NFIB: variants seen among roughly 807,000 people sequenced by gnomAD.
The protein encoded by NFIB is nuclear factor I B.
Under a neutral mutation model 61.5 loss-of-function variants are expected in NFIB, and 11 were observed. The observed-to-expected ratio is 0.18, with a 90% CI of 0.11 to 0.30. The LOEUF (loss-of-function observed/expected upper bound fraction) is 0.30, where lower values mean the gene tolerates loss of function less well. Among genes scored for constraint, NFIB ranks in the 10% least tolerant of loss-of-function variants. The probability of loss-of-function intolerance (pLI) is 1.00; values close to 1 mark genes in which losing one functional copy is unlikely to be tolerated. For missense variants in NFIB, 471 were observed against 608.9 expected (o/e 0.77, Z 2.38); for synonymous variants, 260 against 216.5 (o/e 1.20, Z -1.76).
intron 2 of NFIB, among the ~76,000 whole-genome samples, chr9:14,258,006 G>A (rs145602851): frequency 1.3e-3 from 194 of 152,216 alleles, no homozygotes; most frequent in African/African-American, 4.6e-3. Flanking sequence ...GAGCAGTGTG[G>A]ACTTCCCCCA....
At chr9:14,213,407 G>T (rs1180437542) in intron 2 of NFIB, among the ~76,000 whole-genome samples, 2 of 152,158 alleles carry the variant, frequency 1.3e-5, no homozygotes, top group Admixed American at 1.3e-4. Flanking sequence ...CCACAGCAGT[G>T]GTTCTTAAGC....
At chr9:14,355,117 C>T (rs371183396) in intron 1 of NFIB, among the ~76,000 whole-genome samples, 1 of 152,120 alleles carries the variant, frequency 6.6e-6, no homozygotes, top group South Asian at 2.1e-4. Flanking sequence ...AAGGGAAAAG[C>T]TGTGTTACAG....
At chr9:14,171,189 T>G (rs1014954061) in intron 3 of NFIB, among the ~76,000 whole-genome samples, 17 of 152,198 alleles carry the variant, frequency 1.1e-4, no homozygotes, top group Admixed American at 5.9e-4. Context: ...GACTCACTAC[T>G]TATGAACCTA....
chr9:14,261,568 G>A (rs1025001017), intron 2 of NFIB, among the ~76,000 whole-genome samples: 1 of 152,186 alleles, frequency 6.6e-6, no homozygotes, highest in African/African-American at 2.4e-5. Context: ...ATTTATTAGT[G>A]TGCAAGGGGG....
chr9:14,328,275 C>G (rs942126473), intron 1 of NFIB, among the ~76,000 whole-genome samples: 1 of 152,108 alleles, frequency 6.6e-6, no homozygotes, highest in African/African-American at 2.4e-5. Context: ...TCCTGAGTAG[C>G]TGCCACCACA....
At chr9:14,097,096 G>C (rs771519019) in intron 10 of NFIB, among the ~76,000 whole-genome samples, 1 of 152,058 alleles carries the variant, frequency 6.6e-6, no homozygotes. Context: ...TTTTAAGAAT[G>C]GTAATGTTTT....
At chr9:14,094,419 T>G (rs570467954) in intron 10 of NFIB, 1 of 152,230 alleles carries the variant, frequency 6.6e-6, no homozygotes, top group Non-Finnish European at 1.5e-5. Context: ...TGTGGCTGTA[T>G]GTCAATAATT....
the NFIB span, among the ~76,000 whole-genome samples, chr9:14,513,938 T>G: frequency 3.9e-5 from 6 of 152,370 alleles, no homozygotes; most frequent in East Asian, 1.2e-3. Flanking sequence ...TACTAAATAC[T>G]GAACAATGCC....
chr9:14,391,883 C>G (rs190808800), intron 1 of NFIB, among the ~76,000 whole-genome samples: 1 of 152,282 alleles, frequency 6.6e-6, no homozygotes, highest in East Asian at 1.9e-4. Context: ...TAAACGTTTA[C>G]TCACTTCTGC....
chr9:14,398,906 C>T (rs1332101505), exon 1 of NFIB: 3 of 343,580 alleles, frequency 8.7e-6, no homozygotes, highest in Admixed American at 9.6e-5. Context: ...TCTTTTAGAT[C>T]GGTGTCAGCT....
chr9:14,133,851 A>C (rs1405461179), intron 6 of NFIB, among the ~76,000 whole-genome samples: 1 of 152,192 alleles, frequency 6.6e-6, no homozygotes, highest in South Asian at 2.1e-4. Flanking sequence ...AATGACAGCA[A>C]TCCTTACTTT....
At chr9:14,339,646 G>A (rs949286236) in intron 1 of NFIB, among the ~76,000 whole-genome samples, 3 of 152,080 alleles carry the variant, frequency 2.0e-5, no homozygotes, top group Non-Finnish European at 4.4e-5. Context: ...TGTTAATTAA[G>A]ACCAGAACTA....
chr9:14,441,343 G>A, the NFIB span, among the ~76,000 whole-genome samples: 1 of 152,090 alleles, frequency 6.6e-6, no homozygotes, highest in Non-Finnish European at 1.5e-5. Flanking sequence ...GATTTGGCAA[G>A]GCTCAGTGGG....
At chr9:14,211,891 T>C (rs770277590) in intron 2 of NFIB, among the ~76,000 whole-genome samples, 15 of 152,218 alleles carry the variant, frequency 9.9e-5, no homozygotes, top group Admixed American at 6.5e-4. Flanking sequence ...CTAGAAAGAA[T>C]AGACATTTAA....
intron 2 of NFIB, among the ~76,000 whole-genome samples, chr9:14,250,293 C>A (rs148623059): frequency 1.3e-5 from 2 of 152,132 alleles, no homozygotes; most frequent in East Asian, 3.9e-4. Context: ...TATGTAAGTT[C>A]TCTGATGGAC....
chr9:14,376,310 T>C (rs1183839879), intron 1 of NFIB, among the ~76,000 whole-genome samples: 5 of 152,116 alleles, frequency 3.3e-5, no homozygotes, highest in Non-Finnish European at 7.4e-5. Context: ...TTAAACATAA[T>C]TTTTAAAAAA....
chr9:14,284,748 T>A (rs1036229755), intron 2 of NFIB, among the ~76,000 whole-genome samples: 1 of 152,072 alleles, frequency 6.6e-6, no homozygotes, highest in Non-Finnish European at 1.5e-5. Context: ...AGAAGAAAAA[T>A]TTATTCTAAG....
At chr9:14,427,166 G>C in the NFIB span, among the ~76,000 whole-genome samples, 1 of 152,074 alleles carries the variant, frequency 6.6e-6, no homozygotes, top group Non-Finnish European at 1.5e-5. Flanking sequence ...TGACTTAACA[G>C]TTTCTTCCAT....
chr9:14,193,893 T>C (rs1006822482), intron 2 of NFIB, among the ~76,000 whole-genome samples: 1 of 152,198 alleles, frequency 6.6e-6, no homozygotes, highest in Non-Finnish European at 1.5e-5. Flanking sequence ...ACACTGGTGA[T>C]GGATGTGCAC....
Sources: allele counts gnomAD v4.1 joint callset (sites outside exome capture counted in the v4.1 genomes callset), GRCh38; gene constraint gnomAD v4.1.1; transcripts MANE v1.5; gene names NCBI Gene and HGNC (gene_info 2026-07-23, HGNC 2026-07-21).